GAL: variants seen among roughly 807,000 people sequenced by gnomAD.
GAL encodes galanin peptides.
In GAL, 14 loss-of-function variants were observed where a neutral mutation model predicts 15.8. That is an observed-to-expected ratio of 0.89 (90% CI 0.59 to 1.39). The LOEUF is 1.39. Ranked by LOEUF, GAL falls within the 40% of genes most tolerant of loss-of-function variation. The probability of loss-of-function intolerance (pLI) is 0.00; values close to 1 mark genes in which losing one functional copy is unlikely to be tolerated. For synonymous variants in GAL, 79 were observed against 73.8 expected, an observed-to-expected ratio of 1.07 and a Z score of -0.36; for missense variants, 176 against 170.4, an observed-to-expected ratio of 1.03 and a Z score of -0.18.
At chr11:68,685,773 C>T (rs142908115) in intron 3 of GAL, 125 bp downstream of exon 3, 78 of 715,170 alleles carry the variant, frequency 1.1e-4, no homozygotes, top group South Asian at 9.4e-4. Context: ...CCTCATTGCC[C>T]GTCTCCATTG....
In GAL at chr11:68,685,627, G is replaced by A. The variant is rs770751421; in HGVS notation, c.115G>A (p.Ala39Thr). 6.2e-6 allele frequency: 10 copies of A among 1,613,236 alleles called. No individual in the cohort carries two copies. The highest frequency in any genetic ancestry group is 7.6e-6 in the Non-Finnish European group (9 of 1,179,226). ...KEKRGWTLNSAGYLLGPHAVG... is the reference protein window; with the variant it reads ...KEKRGWTLNSTGYLLGPHAVG... ...AAAACGAGGCTGGACCCTGAACAGC[G>A]CGGGCTACCTGCTGGGCCCACGTAA... is the stretch of plus-strand genomic sequence containing the variant. The change falls in exon 3 of 6, where the codon GCG becomes ACG. Residue 39 changes from alanine (A) to threonine (T), a missense_variant. By Grantham distance (58) the Ala-to-Thr change is moderately conservative (BLOSUM62 0). Coordinates refer to ENST00000265643, the MANE Select transcript of GAL (RefSeq NM_015973.5).
chr11:68,685,731 C>T (rs1048559353), intron 3 of GAL, 83 bp downstream of exon 3: 53 of 943,960 alleles, frequency 5.6e-5, no homozygotes, highest in South Asian at 3.1e-4. Flanking sequence ...CCTCCGCCTG[C>T]GGCTGGGCAG....
In GAL at chr11:68,684,970, C is replaced by A. The variant is rs34725707; in HGVS notation, c.47C>A (p.Ala16Glu). The A allele has an allele frequency of 6.2e-7, 1 of 1,608,592 alleles. No homozygotes were observed. The change falls in exon 2 of 6, where the codon GCG (alanine) becomes GAG (glutamate). Residue 16 changes from alanine to glutamate, a missense_variant. Transcript: ENST00000265643. ...CTGCTCGCCTCCCTCCTCCTCGCCG[C>A]GGCCCTTTCTGCCTCTGCGGGGCTC... The part of the protein sequence containing the change: ...ALLLASLLLA[A>E]ALSASAGLWS...
rs1309873788 is a variant in GAL, at chr11:68,684,729, C to G, written c.-4C>G. The G allele has an allele frequency of 1.5e-5, 7 of 469,828 alleles. No individual in the cohort carries two copies. Among genetic ancestry groups the G allele is most frequent in the Admixed American group, 1.2e-4 (3 of 25,744 alleles). 29.1% of individuals were successfully genotyped at this position (469,828 alleles called of 1,614,324 possible). Reference sequence around the variant, plus strand: ...TCCGAACCCGGGCGCAGCCGCAGCTCAAGGTACTACTGGCGCCGGGCCGAC... The same window carrying G: ...TCCGAACCCGGGCGCAGCCGCAGCTGAAGGTACTACTGGCGCCGGGCCGAC... On this transcript the variant is annotated 5_prime_UTR_variant, in exon 1 of 6. Coordinates refer to ENST00000265643, the MANE Select transcript of GAL (RefSeq NM_015973.5).
Position 68,684,969 on chromosome 11 carries a change from G to A in GAL, c.46G>A (p.Ala16Thr), listed in dbSNP as rs1340212753. The change falls in exon 2 of 6, where the codon GCG becomes ACG. Residue 16 changes from alanine (A) to threonine (T), a missense_variant. Ala to Thr is a moderately conservative substitution (Grantham distance 58). Transcript: ENST00000265643. ...CCTGCTCGCCTCCCTCCTCCTCGCCGCGGCCCTTTCTGCCTCTGCGGGGCT... is the reference window on the plus strand; with the variant it reads ...CCTGCTCGCCTCCCTCCTCCTCGCCACGGCCCTTTCTGCCTCTGCGGGGCT... ...ALLLASLLLA[A>T]ALSASAGLWS... The A allele has an allele frequency of 9.3e-6, 15 of 1,608,384 alleles. No homozygotes were observed. In the East Asian group the frequency reaches 1.3e-4, roughly 14 times the overall value.
intron 1 of GAL, 22 bp downstream of exon 1, chr11:68,684,754 C>T: frequency 1.9e-6 from 1 of 521,370 alleles, no homozygotes. Flanking sequence ...GCCGGGCCGA[C>T]CCTGCGCCCC....
intron 3 of GAL, among the ~76,000 whole-genome samples, chr11:68,686,142 T>C (rs939696143): frequency 1.3e-5 from 2 of 152,042 alleles, no homozygotes; most frequent in Non-Finnish European, 2.9e-5. Context: ...GTCCCCTCCC[T>C]CTCCCTGTCC....
intron 5 of GAL, among the ~76,000 whole-genome samples, chr11:68,690,339 T>C (rs1945893637): frequency 6.6e-6 from 1 of 152,082 alleles, no homozygotes; most frequent in Non-Finnish European, 1.5e-5. Context: ...GGCTAATCCT[T>C]GGGTTCATTT....
chr11:68,685,883 C>T (rs1490556421), intron 3 of GAL, among the ~76,000 whole-genome samples: 1 of 152,182 alleles, frequency 6.6e-6, no homozygotes, highest in Non-Finnish European at 1.5e-5. Context: ...GGGCTTTGCT[C>T]AAGTTCTCCT....
chr11:68,688,777 A>T lies in GAL; in HGVS notation c.224-72A>T, dbSNP rs1945878226. 1.7e-5 allele frequency: 13 copies of T among 776,934 alleles called. No individual in the cohort carries two copies. In the South Asian group the frequency reaches 1.7e-4, roughly 10 times the overall value. 48.1% of individuals were successfully genotyped at this position (776,934 alleles called of 1,614,324 possible). Reference sequence around the variant, plus strand: ...ACCTTGCAGCGCCCAGCTCCTCTGTAGGGAGGGGGATGACCTGAGACACTG... The same window carrying T: ...ACCTTGCAGCGCCCAGCTCCTCTGTTGGGAGGGGGATGACCTGAGACACTG... On this transcript the variant is annotated intron_variant, in intron 4 of 5. Transcript: ENST00000265643.
intron 3 of GAL, among the ~76,000 whole-genome samples, chr11:68,687,346 G>A (rs1386856666): frequency 2.0e-5 from 3 of 151,642 alleles, no homozygotes; most frequent in South Asian, 2.1e-4. Context: ...AGCCTTCATC[G>A]TTTCTTCCCT....
At position 68,685,004 on chromosome 11, in the gene GAL, G is replaced by C. The variant is rs747717547; in HGVS notation, c.81G>C (p.Pro27=). ...CTGCCTCTGCGGGGCTCTGGTCGCCGGTAAGTGCGGGGCGCGTCTCCTCCG... is the reference window on the plus strand; with the variant it reads ...CTGCCTCTGCGGGGCTCTGGTCGCCCGTAAGTGCGGGGCGCGTCTCCTCCG... The part of the protein sequence containing the change: ...ALSASAGLWS[P]AKEKRGWTLN... The change falls in exon 2 of 6, where the codon CCG becomes CCC. Residue 27 remains proline, a splice_region_variant and synonymous_variant. Coordinates refer to ENST00000265643, the MANE Select transcript of GAL (RefSeq NM_015973.5). 9.5e-6 allele frequency: 15 copies of C among 1,586,008 alleles called. No individual in the cohort carries two copies. Among genetic ancestry groups the C allele is most frequent in the Non-Finnish European group, 1.3e-5 (15 of 1,163,504 alleles).
Position 68,691,106 on chromosome 11 carries a change from G to T in GAL, c.*119G>T. 1.4e-5 allele frequency: 9 copies of T among 665,130 alleles called. No homozygotes were observed. Among genetic ancestry groups the T allele is most frequent in the South Asian group, 3.5e-5 (2 of 57,614 alleles). 41.2% of individuals were successfully genotyped at this position (665,130 alleles called of 1,614,324 possible). ...TTCCTGTTCTCTTTGCCTTGATGTT[G>T]TGTTGTTATCATTTAAGATTTTTTT... On this transcript the variant is annotated 3_prime_UTR_variant, in exon 6 of 6. Coordinates refer to ENST00000265643, the MANE Select transcript of GAL (RefSeq NM_015973.5).
Position 68,688,069 on chromosome 11 carries a change from G to A in GAL, c.192G>A (p.Arg64=), listed in dbSNP as rs749058334. 6 of 1,612,718 alleles carry A rather than the reference G, an allele frequency of 3.7e-6. No individual in the cohort carries two copies. In the Admixed American group the frequency reaches 5.0e-5, roughly 13 times the overall value. ...ACAAGAATGGCCTCACCAGCAAGCG[G>A]GAGCTGCGGCCCGAAGATGACATGA... The part of the protein sequence containing the change: ...FSDKNGLTSK[R]ELRPEDDMKP... Residue 64 remains arginine, a synonymous_variant, in exon 4 of 6, where the codon CGG becomes CGA. Transcript: ENST00000265643.
At chr11:68,685,469 G>C (rs1945842835) in intron 2 of GAL, 125 bp from the exon 3 acceptor site, 3 of 695,618 alleles carry the variant, frequency 4.3e-6, no homozygotes, top group Non-Finnish European at 5.3e-6. Context: ...CTGGAATTTC[G>C]CGAGCTATCC....
In GAL at chr11:68,691,100, G is replaced by C. The variant is rs888628978; in HGVS notation, c.*113G>C. On this transcript the variant is annotated 3_prime_UTR_variant, in exon 6 of 6. Transcript: ENST00000265643. The stretch of plus-strand genomic sequence containing the variant: ...CAGCCATTCCTGTTCTCTTTGCCTT[G>C]ATGTTGTGTTGTTATCATTTAAGAT... The C allele has an allele frequency of 1.4e-5, 10 of 704,260 alleles. No homozygotes were observed. Among genetic ancestry groups the C allele is most frequent in the Non-Finnish European group, 2.3e-5 (9 of 391,540 alleles). The allele number at this position is 704,260 out of a possible 1,614,324, so 43.6% of individuals were successfully genotyped here.
intron 3 of GAL, 51 bp downstream of exon 3, chr11:68,685,699 G>A (rs939755748): frequency 1.1e-5 from 15 of 1,354,844 alleles, no homozygotes; most frequent in Admixed American, 1.7e-5. Flanking sequence ...CCTGCCCCTC[G>A]CTTTGAACCC....
At chr11:68,687,911 C>A (rs1033037014) in intron 3 of GAL, 103 bp from the exon 4 acceptor site, 4 of 719,650 alleles carry the variant, frequency 5.6e-6, no homozygotes, top group South Asian at 4.7e-5. Flanking sequence ...AGTCGAGTTG[C>A]GTGTGTGTGT....
At chr11:68,689,437 C>T (rs1945885416) in intron 5 of GAL, among the ~76,000 whole-genome samples, 1 of 151,810 alleles carries the variant, frequency 6.6e-6, no homozygotes, top group Admixed American at 6.6e-5. Context: ...CACTCTGTCG[C>T]CCAGGCTCGA....
Sources: allele counts gnomAD v4.1 joint callset (sites outside exome capture counted in the v4.1 genomes callset), GRCh38; gene constraint gnomAD v4.1.1; transcripts MANE v1.5; gene names NCBI Gene and HGNC (gene_info 2026-07-23, HGNC 2026-07-21).